EFHB: variants seen among roughly 807,000 people sequenced by gnomAD.
The protein encoded by EFHB is EF-hand domain-containing family member B.
In EFHB, 91 loss-of-function variants were observed where a neutral mutation model predicts 87.2. That is an observed-to-expected ratio of 1.04 (90% confidence interval 0.88 to 1.24). The LOEUF is 1.24. Among genes scored for constraint, EFHB ranks in the 50% most tolerant of loss-of-function variants. The pLI, the probability that EFHB is intolerant of heterozygous loss-of-function variation, is 0.00. For missense variants in EFHB, 1,084 were observed against 998.8 expected (o/e 1.09, Z -1.15); for synonymous variants, 325 against 333.6 (o/e 0.97, Z 0.28).
intron 6 of EFHB, 35 bp from the exon 7 acceptor site, chr3:19,899,550 A>G (rs1320657782): frequency 6.6e-7 from 1 of 1,519,522 alleles, no homozygotes; most frequent in Non-Finnish European, 8.9e-7. Context: ...TATCTCTATT[A>G]CCTAAAGTAT....
At chr3:19,908,942 G>GA (rs1176814875) in intron 5 of EFHB, among the ~76,000 whole-genome samples, 1 of 151,846 alleles carries the variant, frequency 6.6e-6, no homozygotes, top group African/African-American at 2.4e-5. Flanking sequence ...ATGGGGGTTA[G>GA]AAAAAATGTT....
intron 1 of EFHB, among the ~76,000 whole-genome samples, chr3:19,945,684 C>A (rs1311637409): frequency 6.6e-6 from 1 of 152,136 alleles, no homozygotes; most frequent in Admixed American, 6.5e-5. Flanking sequence ...AGAGCTATTA[C>A]CATGATTAAT....
chr3:19,903,122 A>G (rs1390909546), intron 6 of EFHB, among the ~76,000 whole-genome samples: 1 of 151,940 alleles, frequency 6.6e-6, no homozygotes. Flanking sequence ...GGTTGCAGTG[A>G]GCCGAGATCA....
chr3:19,920,340 C>T (rs949112170), intron 2 of EFHB, among the ~76,000 whole-genome samples, 165 bp downstream of exon 2: 1 of 152,154 alleles, frequency 6.6e-6, no homozygotes, highest in Non-Finnish European at 1.5e-5. Context: ...CTGGGATTTT[C>T]ACTTTCTTGG....
At chr3:19,899,249 G>A (rs1694587723) in intron 7 of EFHB, among the ~76,000 whole-genome samples, 183 bp downstream of exon 7, 1 of 152,160 alleles carries the variant, frequency 6.6e-6, no homozygotes, top group Non-Finnish European at 1.5e-5. Flanking sequence ...GCATTTTGGA[G>A]AACTCACTGC....
At chr3:19,905,226 T>A (rs1002822374) in intron 6 of EFHB, among the ~76,000 whole-genome samples, 3 of 152,164 alleles carry the variant, frequency 2.0e-5, no homozygotes, top group African/African-American at 7.2e-5. Context: ...TACTCCAGCC[T>A]GAGCAATAGA....
intron 6 of EFHB, among the ~76,000 whole-genome samples, chr3:19,900,110 G>A (rs371428338): frequency 2.0e-5 from 3 of 151,884 alleles, no homozygotes; most frequent in Admixed American, 6.6e-5. Context: ...TCGTAAAATT[G>A]CTAGAAGAAA....
At chr3:19,902,450 G>A (rs922403878) in intron 6 of EFHB, among the ~76,000 whole-genome samples, 3 of 152,118 alleles carry the variant, frequency 2.0e-5, no homozygotes, top group African/African-American at 7.2e-5. Flanking sequence ...CACCTCCCGG[G>A]TTCAAGCGAT....
chr3:19,880,721 A>G (rs1373701256), intron 12 of EFHB, among the ~76,000 whole-genome samples: 3 of 152,210 alleles, frequency 2.0e-5, no homozygotes, highest in East Asian at 1.9e-4. Context: ...ATCTCTCTAC[A>G]GTGATAATTA....
At chr3:19,918,813 A>G (rs1276021003) in intron 3 of EFHB, among the ~76,000 whole-genome samples, 1 of 41,146 alleles carries the variant, frequency 2.4e-5, no homozygotes. Context: ...CATAACTACT[A>G]AAAAAAAAAA....
chr3:19,886,724 T>C (rs1210855338), intron 10 of EFHB, among the ~76,000 whole-genome samples: 1 of 147,186 alleles, frequency 6.8e-6, no homozygotes, highest in Non-Finnish European at 1.5e-5. Flanking sequence ...TGAGGTATTA[T>C]TATAAACCAA....
intron 1 of EFHB, 131 bp from the exon 2 acceptor site, chr3:19,920,698 G>T: frequency 1.6e-6 from 1 of 621,830 alleles, no homozygotes; most frequent in Non-Finnish European, 2.7e-6. Context: ...AAAAAAGGAA[G>T]AACAAATAGT....
In EFHB at chr3:19,879,802, A is replaced by C; in HGVS notation, c.2331T>G (p.Ile777Met). The C allele has an allele frequency of 6.3e-7, 1 of 1,578,716 alleles. No homozygotes were observed. The highest frequency in any genetic ancestry group is 8.6e-7 in the Non-Finnish European group (1 of 1,166,298). ...DFFKTRSKEEIAEILCNIGVK... is the reference protein window; with the variant it reads ...DFFKTRSKEEMAEILCNIGVK... Reference sequence around the variant, plus strand: ...CACCAATGTTACACAATATCTCTGCAATCTAGAAAAAGGCATTTAAAATAG... The same window carrying C: ...CACCAATGTTACACAATATCTCTGCCATCTAGAAAAAGGCATTTAAAATAG... The change falls in exon 13 of 13, where the codon ATT becomes ATG. Residue 777 changes from isoleucine (I) to methionine (M), a missense_variant and splice_region_variant. Transcript: ENST00000295824.
chr3:19,903,891 T>C (rs1055484347), intron 6 of EFHB, among the ~76,000 whole-genome samples: 3 of 152,160 alleles, frequency 2.0e-5, no homozygotes, highest in African/African-American at 7.2e-5. Flanking sequence ...CTTAGGCAAA[T>C]GATTTAACCC....
At position 19,879,688 on chromosome 3, in the gene EFHB, T is replaced by A; in HGVS notation, c.2445A>T (p.Arg815Ser). ...HRGEVCVENI[R>S]NVLDELRHAD... is the part of the protein sequence containing the mutation. The stretch of plus-strand genomic sequence containing the variant: ...CATGCCGTAGCTCATCTAGAACATT[T>A]CTGATGTTCTCAACACAAACTTCTC... Residue 815 changes from arginine to serine, a missense_variant, in exon 13 of 13, where the codon AGA (arginine) becomes AGT (serine). Transcript: ENST00000295824. 1.2e-6 allele frequency: 2 copies of A among 1,609,894 alleles called. No individual in the cohort carries two copies. Among genetic ancestry groups the A allele is most frequent in the Non-Finnish European group, 1.7e-6 (2 of 1,178,906 alleles).
chr3:19,896,859 A>C lies in EFHB; in HGVS notation c.1571-18T>G. 1 of 1,564,344 alleles carries C rather than the reference A, an allele frequency of 6.4e-7. No individual in the cohort carries two copies. On this transcript the variant is annotated intron_variant, in intron 8 of 12. Coordinates refer to ENST00000295824, the MANE Select transcript of EFHB (RefSeq NM_144715.4). ...ACCAACTCCTATTGAAGAGAGAAAA[A>C]ACTTTTTACATAAATTTAAAGTCTT...
intron 9 of EFHB, among the ~76,000 whole-genome samples, chr3:19,891,225 T>C (rs1161290643): frequency 6.6e-6 from 1 of 151,896 alleles, no homozygotes; most frequent in Admixed American, 6.6e-5. Flanking sequence ...GGCTAACTAT[T>C]TGTGTTTACT....
At chr3:19,934,982 C>A (rs1324977638), upstream of EFHB, among the ~76,000 whole-genome samples, 1 of 151,698 alleles carries the variant, frequency 6.6e-6, no homozygotes, top group Non-Finnish European at 1.5e-5. Context: ...ACAATCTGGG[C>A]TCACTGCAAA....
chr3:19,933,382 C>A lies in EFHB; in HGVS notation c.637G>T (p.Gly213Cys), dbSNP rs1189021647. Residue 213 changes from glycine to cysteine, a missense_variant, in exon 1 of 13, where the codon GGC (glycine) becomes TGC (cysteine). By Grantham distance (159) the Gly-to-Cys change is radical (BLOSUM62 -3). Coordinates refer to ENST00000295824, the MANE Select transcript of EFHB (RefSeq NM_144715.4). ...CATTGGGGAGGTTCTATCACCAAGC[C>A]CATTTGGGGCTCTGTATTCTTAGTC... is the stretch of plus-strand genomic sequence containing the variant. ...DETKNTEPQM[G>C]LVIEPPQCQF... The A allele has an allele frequency of 6.2e-7, 1 of 1,613,850 alleles. No individual in the cohort carries two copies. The highest frequency in any genetic ancestry group is 8.5e-7 in the Non-Finnish European group (1 of 1,179,914).
Sources: allele counts gnomAD v4.1 joint callset (sites outside exome capture counted in the v4.1 genomes callset), GRCh38; gene constraint gnomAD v4.1.1; transcripts MANE v1.5; gene names NCBI Gene and HGNC (gene_info 2026-07-23, HGNC 2026-07-21).